SPMIP11: variants seen among roughly 807,000 people sequenced by gnomAD.
The protein encoded by SPMIP11 is long intergenic non-protein coding RNA 935.
chr12:48,757,103 G>C, the SPMIP11 span, among the ~76,000 whole-genome samples: 1 of 152,022 alleles, frequency 6.6e-6, no homozygotes, highest in Middle Eastern at 3.2e-3. Flanking sequence ...CTGCATTTGA[G>C]ACTGGCTGGA....
the SPMIP11 span, among the ~76,000 whole-genome samples, chr12:48,739,889 C>T: frequency 6.6e-6 from 1 of 152,182 alleles, no homozygotes; most frequent in Admixed American, 6.6e-5. Context: ...TGTGATTCCT[C>T]AGATGAATTA....
the SPMIP11 span, among the ~76,000 whole-genome samples, chr12:48,749,756 A>G: frequency 6.8e-6 from 1 of 146,578 alleles, no homozygotes; most frequent in Non-Finnish European, 1.5e-5. Flanking sequence ...CAGTGGCCCA[A>G]CCTCAGCTCA....
the SPMIP11 span, among the ~76,000 whole-genome samples, chr12:48,761,321 G>T: frequency 6.6e-6 from 1 of 151,878 alleles, no homozygotes; most frequent in African/African-American, 2.4e-5. Context: ...CATAGTGGCA[G>T]GCGCCTGTAA....
At chr12:48,757,038 A>T in the SPMIP11 span, among the ~76,000 whole-genome samples, 2 of 152,040 alleles carry the variant, frequency 1.3e-5, no homozygotes, top group Non-Finnish European at 2.9e-5. Flanking sequence ...GGCCTCCCAA[A>T]GTGCTGGAAT....
At chr12:48,733,749 GT>G in the SPMIP11 span, among the ~76,000 whole-genome samples, 1 of 145,044 alleles carries the variant, frequency 6.9e-6, no homozygotes, top group Non-Finnish European at 1.5e-5. Context: ...ACTACTGTAT[GT>G]GTAAATGCAG....
the SPMIP11 span, among the ~76,000 whole-genome samples, chr12:48,751,959 T>G: frequency 2.4e-4 from 37 of 151,540 alleles, no homozygotes; most frequent in African/African-American, 8.7e-4. Context: ...CCCAGCTACT[T>G]GGGAGGCCGA....
chr12:48,754,506 A>T, the SPMIP11 span, among the ~76,000 whole-genome samples: 1 of 151,668 alleles, frequency 6.6e-6, no homozygotes, highest in Non-Finnish European at 1.5e-5. Context: ...GCTGGAGTGC[A>T]GTGGTGTGAT....
the SPMIP11 span, among the ~76,000 whole-genome samples, chr12:48,742,478 T>C: frequency 1.3e-5 from 2 of 151,678 alleles, no homozygotes; most frequent in South Asian, 4.2e-4. Flanking sequence ...GACGGGGTTT[T>C]ACCATGTTGG....
At chr12:48,765,635 A>G in the SPMIP11 span, 1 of 702,910 alleles carries the variant, frequency 1.4e-6, no homozygotes, top group African/African-American at 1.7e-5. Context: ...TCTCAATGAC[A>G]GGACCTTCAG....
chr12:48,767,653 C>T, the SPMIP11 span: 2 of 152,662 alleles, frequency 1.3e-5, no homozygotes, highest in African/African-American at 4.8e-5. Context: ...TATTTGGCAA[C>T]AGAAGAGGAA....
the SPMIP11 span, among the ~76,000 whole-genome samples, chr12:48,735,225 C>T: frequency 6.6e-6 from 1 of 152,258 alleles, no homozygotes; most frequent in South Asian, 2.1e-4. Flanking sequence ...CCCAGCCAAC[C>T]TTGATTTCAG....
chr12:48,728,780 T>C, the SPMIP11 span, among the ~76,000 whole-genome samples: 1 of 146,630 alleles, frequency 6.8e-6, no homozygotes, highest in Non-Finnish European at 1.5e-5. Context: ...GAGAGAACCA[T>C]ATTAAGTGAA....
the SPMIP11 span, among the ~76,000 whole-genome samples, chr12:48,737,392 G>A: frequency 6.6e-6 from 1 of 151,058 alleles, no homozygotes; most frequent in Non-Finnish European, 1.5e-5. Context: ...TTCCATTTCT[G>A]AGAAATTTTA....
At chr12:48,732,710 C>A in the SPMIP11 span, among the ~76,000 whole-genome samples, 2 of 150,422 alleles carry the variant, frequency 1.3e-5, no homozygotes, top group African/African-American at 4.9e-5. Flanking sequence ...GTGGAGGTTG[C>A]AATGAGCCTA....
chr12:48,771,346 C>T, the SPMIP11 span: 4 of 483,396 alleles, frequency 8.3e-6, no homozygotes, highest in Non-Finnish European at 3.8e-6. This position sits in a 1 kb window ranked among gnomAD's most constrained non-coding sequence, Gnocchi z 4.3. Flanking sequence ...CACTACCTCA[C>T]ATTTTGCTTC....
chr12:48,743,123 C>T, the SPMIP11 span, among the ~76,000 whole-genome samples: 4 of 151,390 alleles, frequency 2.6e-5, no homozygotes, highest in East Asian at 2.0e-4. Flanking sequence ...TAAGGCTGGG[C>T]GTGGTGGCTC....
At chr12:48,741,296 C>T in the SPMIP11 span, among the ~76,000 whole-genome samples, 1 of 151,974 alleles carries the variant, frequency 6.6e-6, no homozygotes, top group Non-Finnish European at 1.5e-5. Flanking sequence ...GGTGATCCAC[C>T]CACCACAGCC....
chr12:48,749,153 T>C, the SPMIP11 span, among the ~76,000 whole-genome samples: 1 of 151,844 alleles, frequency 6.6e-6, no homozygotes, highest in Non-Finnish European at 1.5e-5. Context: ...TCCTAGCTAC[T>C]TGGGAGGCTG....
At chr12:48,761,834 C>T in the SPMIP11 span, among the ~76,000 whole-genome samples, 3 of 148,360 alleles carry the variant, frequency 2.0e-5, no homozygotes, top group African/African-American at 7.5e-5. Context: ...GTGATCTTTC[C>T]ACCTCAGCCT....
Sources: allele counts gnomAD v4.1 joint callset (sites outside exome capture counted in the v4.1 genomes callset), GRCh38; gene constraint gnomAD v4.1.1; non-coding constraint Gnocchi (gnomAD v3.1); transcripts MANE v1.5; gene names NCBI Gene and HGNC (gene_info 2026-07-23, HGNC 2026-07-21).